The following MYO16 variants were observed in gnomAD, a reference collection of about 807,000 sequenced individuals.
MYO16 encodes myosin XVI.
In MYO16, 94 loss-of-function variants were observed where a neutral mutation model predicts 205.3. The observed-to-expected ratio is 0.46, with a 90% CI of 0.39 to 0.54. The LOEUF (loss-of-function observed/expected upper bound fraction) is 0.54, where lower values mean the gene tolerates loss of function less well. Ranked by LOEUF, MYO16 falls within the 20% of genes least tolerant of loss-of-function variation. MYO16 has a pLI of 0.00. For synonymous variants in MYO16, 988 were observed against 954.0 expected (o/e 1.04, Z -0.66); for missense variants, 2,315 against 2,387.5 (o/e 0.97, Z 0.63).
intron 1 of MYO16, among the ~76,000 whole-genome samples, chr13:108,600,334 A>G (rs4347492): frequency 0.29 from 44,288 of 152,064 alleles, 6,665 homozygotes; most frequent in East Asian, 0.45. Context: ...TTTTGTATGA[A>G]ATGTGGGTAA....
At chr13:108,546,677 G>A in the MYO16 span, among the ~76,000 whole-genome samples, 20 of 152,144 alleles carry the variant, frequency 1.3e-4, no homozygotes, top group South Asian at 2.1e-3. Context: ...TCCAGAGTGC[G>A]TCATTATACA....
chr13:109,113,553 T>C (rs1875517355), intron 28 of MYO16, among the ~76,000 whole-genome samples: 2 of 152,210 alleles, frequency 1.3e-5, no homozygotes, highest in Non-Finnish European at 2.9e-5. Context: ...TGTAGACCCA[T>C]GATAATTTAT....
chr13:108,775,376 T>A (rs1886091524), intron 4 of MYO16, among the ~76,000 whole-genome samples: 1 of 152,180 alleles, frequency 6.6e-6, no homozygotes, highest in Non-Finnish European at 1.5e-5. Flanking sequence ...AAGAGAAAAA[T>A]TATATTGTAG....
intron 2 of MYO16, among the ~76,000 whole-genome samples, chr13:108,700,068 C>A (rs1156827923): frequency 6.6e-6 from 1 of 152,088 alleles, no homozygotes; most frequent in Non-Finnish European, 1.5e-5. Context: ...CATGGTGGTT[C>A]ATGCCTATAA....
chr13:108,657,564 A>G (rs2139415602), intron 1 of MYO16, among the ~76,000 whole-genome samples: 1 of 152,320 alleles, frequency 6.6e-6, no homozygotes, highest in African/African-American at 2.4e-5. Context: ...AATTGTAATG[A>G]CATTTGTAAA....
At chr13:108,882,977 C>A in intron 12 of MYO16, 82 bp from the exon 13 acceptor site, 1 of 1,539,634 alleles carries the variant, frequency 6.5e-7, no homozygotes, top group Non-Finnish European at 8.8e-7. Flanking sequence ...GTATCTTGGA[C>A]AGAAGTCACT....
chr13:108,705,023 C>T (rs1438798057), intron 2 of MYO16, among the ~76,000 whole-genome samples: 1 of 151,846 alleles, frequency 6.6e-6, no homozygotes, highest in Non-Finnish European at 1.5e-5. Flanking sequence ...TACAATAGTG[C>T]CCCCTTACCC....
chr13:108,632,328 G>A (rs561021736), intron 1 of MYO16, among the ~76,000 whole-genome samples: 19 of 152,128 alleles, frequency 1.2e-4, no homozygotes, highest in Middle Eastern at 6.8e-3. Flanking sequence ...ACCATAGCAC[G>A]TTCACTTTCA....
chr13:109,176,255 C>T lies in MYO16; in HGVS notation c.5324-3287C>T, dbSNP rs539719963. ...TTGAATATGTGTATTACTTATTAGC[C>T]ATTCATATTTTCATATTTTTTCTCC... On this transcript the variant is annotated intron_variant, in intron 33 of 34. Transcript: ENST00000457511. Among the ~76,000 whole-genome samples, 6 of 149,216 alleles carry T rather than the reference C, an allele frequency of 4.0e-5. No individual in the cohort carries two copies. In the East Asian group the frequency reaches 1.2e-3, roughly 30 times the overall value.
At chr13:109,094,615 T>C (rs1888721849) in intron 27 of MYO16, among the ~76,000 whole-genome samples, 1 of 152,260 alleles carries the variant, frequency 6.6e-6, no homozygotes, top group Non-Finnish European at 1.5e-5. Context: ...CATGGTTGTT[T>C]GTTGCACCTA....
In MYO16 at chr13:109,115,394, G is replaced by A. The variant is rs991369793; in HGVS notation, c.3439-4976G>A. On this transcript the variant is annotated intron_variant, in intron 28 of 34. Coordinates refer to ENST00000457511, the MANE Select transcript of MYO16 (RefSeq NM_001198950.3). ...ATGGTTTTCTAATAAAAATAGCGAT[G>A]ACTGTAATTCACAGATGGTTTACTT... Among the ~76,000 whole-genome samples, 6 of 152,034 alleles carry A rather than the reference G, an allele frequency of 3.9e-5. No homozygotes were observed. In the South Asian group the frequency reaches 6.2e-4, roughly 16 times the overall value.
chr13:108,868,945 G>A (rs1878867084), intron 12 of MYO16, among the ~76,000 whole-genome samples: 1 of 151,470 alleles, frequency 6.6e-6, no homozygotes, highest in Admixed American at 6.6e-5. Context: ...CCTTTCTCTG[G>A]GACATTATGT....
At chr13:109,144,416 G>A (rs998470886) in intron 32 of MYO16, among the ~76,000 whole-genome samples, 5 of 152,170 alleles carry the variant, frequency 3.3e-5, no homozygotes, top group Non-Finnish European at 7.4e-5. Flanking sequence ...GAATGTAGGA[G>A]AGGTTAAACA....
the MYO16 span, among the ~76,000 whole-genome samples, chr13:108,552,474 A>G: frequency 6.6e-6 from 1 of 152,108 alleles, no homozygotes; most frequent in East Asian, 1.9e-4. Context: ...GAGGTGCAGG[A>G]GCTTCCTGTT....
chr13:108,742,398 G>A (rs1884938763), intron 4 of MYO16, among the ~76,000 whole-genome samples: 1 of 151,984 alleles, frequency 6.6e-6, no homozygotes, highest in Non-Finnish European at 1.5e-5. Context: ...TTTAATGCAT[G>A]ATAATTTTTA....
intron 28 of MYO16, among the ~76,000 whole-genome samples, chr13:109,110,241 G>A (rs1258008188): frequency 6.6e-6 from 1 of 152,212 alleles, no homozygotes; most frequent in African/African-American, 2.4e-5. Flanking sequence ...TTGTTTGGGT[G>A]TGGCTTTGGT....
At position 109,081,959 on chromosome 13, in the gene MYO16, G is replaced by C. The variant is rs117299855; in HGVS notation, c.3336-18826G>C. ...CCTGTTTTTTAAATAAAGTTTCATT[G>C]TTACACGTCCATACCCATTTGTTTT... On this transcript the variant is annotated intron_variant, in intron 27 of 34. Coordinates refer to ENST00000457511, the MANE Select transcript of MYO16 (RefSeq NM_001198950.3). Among the ~76,000 whole-genome samples the C allele has an allele frequency of 4.6e-3, 698 of 152,244 alleles. 1 individual carries two copies. Among genetic ancestry groups the C allele is most frequent in the African/African-American group, 0.015 (638 of 41,536 alleles).
chr13:109,140,768 C>T lies in MYO16; in HGVS notation c.4556C>T (p.Pro1519Leu). The part of the protein sequence containing the change: ...PHRPPLLVFP[P>L]TPVTCSPASD... Reference sequence around the variant, plus strand: ...CGGCCGCCCCTGCTGGTGTTCCCCCCGACCCCCGTCACCTGCTCCCCCGCC... The same window carrying T: ...CGGCCGCCCCTGCTGGTGTTCCCCCTGACCCCCGTCACCTGCTCCCCCGCC... The change falls in exon 32 of 35, where the codon CCG becomes CTG. Residue 1519 changes from proline to leucine, a missense_variant. Pro to Leu is a moderately conservative substitution (Grantham distance 98). Around this residue, in one of 3 missense-constraint regions of MYO16, gnomAD observed 1,097 missense variants for 1,092.0 expected, o/e 1.00. Transcript: ENST00000457511. This position sits in a 1 kb window ranked among gnomAD's most constrained non-coding sequence, Gnocchi z 8.0. The T allele has an allele frequency of 6.4e-7, 1 of 1,558,676 alleles. No individual in the cohort carries two copies. Among genetic ancestry groups the T allele is most frequent in the Non-Finnish European group, 8.7e-7 (1 of 1,154,918 alleles).
chr13:108,592,194 T>A (rs1183116072), upstream of MYO16, among the ~76,000 whole-genome samples: 1 of 6,326 alleles, frequency 1.6e-4, no homozygotes, highest in Non-Finnish European at 2.8e-4. Flanking sequence ...TATGGAGGGG[T>A]GTGGGGGGTT....
Sources: gnomAD v4.1 joint callset for allele counts (sites outside exome capture counted in the v4.1 genomes callset) on GRCh38, gnomAD v4.1.1 for gene constraint, gnomAD v4.1.1 regional missense constraint, Gnocchi (gnomAD v3.1) non-coding constraint, MANE v1.5 for transcripts, NCBI Gene and HGNC (gene_info 2026-07-23, HGNC 2026-07-21) for gene names.